Variants in FBXO4 observed in about 807,000 individuals in gnomAD.
FBXO4 encodes F-box only protein 4.
A neutral mutation model predicts 43.7 loss-of-function variants in FBXO4; 36 were observed. That is an observed-to-expected ratio of 0.82 (90% CI 0.63 to 1.09). FBXO4 has a LOEUF of 1.09. FBXO4 is among the 50% of genes least tolerant of loss of function. The probability of loss-of-function intolerance (pLI) is 0.00; values close to 1 mark genes in which losing one functional copy is unlikely to be tolerated. For synonymous variants in FBXO4, 180 were observed against 165.6 expected, an observed-to-expected ratio of 1.09 and a Z score of -0.67; for missense variants, 435 against 474.1, an observed-to-expected ratio of 0.92 and a Z score of 0.77.
the FBXO4 span, among the ~76,000 whole-genome samples, chr5:41,977,280 C>A: frequency 6.6e-6 from 1 of 152,218 alleles, no homozygotes. Flanking sequence ...CCACAGCCTG[C>A]TTGTATTCCT....
intron 1 of FBXO4, 64 bp from the exon 2 acceptor site, chr5:41,926,949 G>C: frequency 1.0e-6 from 1 of 963,204 alleles, no homozygotes; most frequent in Non-Finnish European, 1.6e-6. Flanking sequence ...TGATTATGTG[G>C]TTTATCACCC....
At chr5:42,019,815 AT>A in the FBXO4 span, among the ~76,000 whole-genome samples, 1 of 152,084 alleles carries the variant, frequency 6.6e-6, no homozygotes, top group Admixed American at 6.6e-5. Context: ...CTAGTGTTCT[AT>A]ATTCTTTCAT....
the FBXO4 span, among the ~76,000 whole-genome samples, chr5:42,006,163 G>A: frequency 6.6e-6 from 1 of 152,066 alleles, no homozygotes; most frequent in South Asian, 2.1e-4. Context: ...TCAGTTTCAC[G>A]AAATTACAGT....
chr5:41,939,407 A>G, intron 5 of FBXO4, 34 bp from the exon 6 acceptor site: 1 of 1,523,588 alleles, frequency 6.6e-7, no homozygotes, highest in East Asian at 2.3e-5. Flanking sequence ...ATTAAAAGTA[A>G]TGCAAATTAA....
chr5:41,965,116 C>T, the FBXO4 span, among the ~76,000 whole-genome samples: 6 of 152,172 alleles, frequency 3.9e-5, no homozygotes, highest in African/African-American at 1.4e-4. Context: ...AGCCAGTTTT[C>T]CCAGCACCAT....
the FBXO4 span, among the ~76,000 whole-genome samples, chr5:42,009,548 G>A: frequency 6.6e-6 from 1 of 152,114 alleles, no homozygotes. Flanking sequence ...ATCACAATGG[G>A]CTAAGTGGAG....
chr5:41,954,195 C>T, the FBXO4 span, among the ~76,000 whole-genome samples: 7 of 151,608 alleles, frequency 4.6e-5, no homozygotes, highest in African/African-American at 1.2e-4. Flanking sequence ...CCTAAATTTA[C>T]CCAAATAGTC....
At chr5:42,037,419 A>T in the FBXO4 span, among the ~76,000 whole-genome samples, 1 of 152,070 alleles carries the variant, frequency 6.6e-6, no homozygotes, top group Non-Finnish European at 1.5e-5. Context: ...GAGGAACTGA[A>T]ACCATCCCTA....
the FBXO4 span, among the ~76,000 whole-genome samples, chr5:42,015,226 G>A: frequency 6.6e-6 from 1 of 152,200 alleles, no homozygotes; most frequent in Admixed American, 6.5e-5. Context: ...AAAGTGTTTT[G>A]TTGGTCTAAG....
chr5:42,033,854 A>G, the FBXO4 span, among the ~76,000 whole-genome samples: 1 of 152,148 alleles, frequency 6.6e-6, no homozygotes, highest in East Asian at 1.9e-4. Context: ...AGAATGATTT[A>G]TATTCCTTTG....
At chr5:41,997,026 G>A in the FBXO4 span, among the ~76,000 whole-genome samples, 2 of 152,230 alleles carry the variant, frequency 1.3e-5, no homozygotes, top group African/African-American at 4.8e-5. Flanking sequence ...ATGACACAAA[G>A]CTGGAGAGTT....
the FBXO4 span, among the ~76,000 whole-genome samples, chr5:42,006,632 T>C: frequency 6.6e-6 from 1 of 151,590 alleles, no homozygotes; most frequent in African/African-American, 2.4e-5. Context: ...TTGAAGAAAG[T>C]TGAGAAGGAA....
intron 1 of FBXO4, 85 bp downstream of exon 1, chr5:41,925,583 A>T (rs1279736934): frequency 9.3e-7 from 1 of 1,076,774 alleles, no homozygotes; most frequent in Non-Finnish European, 1.2e-6. Context: ...GGGCCTGGGG[A>T]ACTCTCGCGC....
In FBXO4 at chr5:41,934,170, G is replaced by A. The variant is rs374957047; in HGVS notation, c.760G>A (p.Ala254Thr). ...RDRAREEHTS[A>T]VNKMFSRHNE... Reference sequence around the variant, plus strand: ...TAGAGCAAGGGAAGAGCATACAAGTGCAGTTAACAAGATGTTCAGTCGACA... The same window carrying A: ...TAGAGCAAGGGAAGAGCATACAAGTACAGTTAACAAGATGTTCAGTCGACA... The change falls in exon 5 of 7, where the codon GCA becomes ACA. Residue 254 changes from alanine (A) to threonine (T), a missense_variant. Transcript: ENST00000281623. The A allele has an allele frequency of 5.6e-6, 9 of 1,613,928 alleles. No individual in the cohort carries two copies. The highest frequency in any genetic ancestry group is 7.6e-6 in the Non-Finnish European group (9 of 1,180,002).
chr5:41,977,902 T>C, the FBXO4 span, among the ~76,000 whole-genome samples: 1 of 152,224 alleles, frequency 6.6e-6, no homozygotes, highest in African/African-American at 2.4e-5. Context: ...CTGGTATCTT[T>C]ATAGCAATGC....
the FBXO4 span, among the ~76,000 whole-genome samples, chr5:41,965,922 G>A: frequency 1.3e-5 from 2 of 152,154 alleles, no homozygotes; most frequent in South Asian, 2.1e-4. Flanking sequence ...ATGATAGTCT[G>A]GATTAAGAAA....
chr5:42,033,145 A>C, the FBXO4 span, among the ~76,000 whole-genome samples: 1 of 152,136 alleles, frequency 6.6e-6, no homozygotes, highest in East Asian at 1.9e-4. Flanking sequence ...GGAAGGAAGA[A>C]GTCTGTTTTG....
chr5:42,029,576 G>A, the FBXO4 span, among the ~76,000 whole-genome samples: 49 of 152,002 alleles, frequency 3.2e-4, no homozygotes, highest in South Asian at 3.3e-3. Context: ...CAATAACTCA[G>A]ATTTGCCATC....
At chr5:41,950,167 T>C in the FBXO4 span, among the ~76,000 whole-genome samples, 1 of 152,254 alleles carries the variant, frequency 6.6e-6, no homozygotes, top group East Asian at 1.9e-4. Flanking sequence ...AAAGACTTCA[T>C]GACGAAAACA....
Sources: gnomAD v4.1 joint callset for allele counts (sites outside exome capture counted in the v4.1 genomes callset) on GRCh38, gnomAD v4.1.1 for gene constraint, MANE v1.5 for transcripts, NCBI Gene and HGNC (gene_info 2026-07-23, HGNC 2026-07-21) for gene names.